NRG1: variants seen among roughly 807,000 people sequenced by gnomAD.
The protein encoded by NRG1 is pro-neuregulin-1, membrane-bound isoform.
Under a neutral mutation model 63.8 loss-of-function variants are expected in NRG1, and 18 were observed. The observed-to-expected ratio is 0.28, with a 90% CI of 0.19 to 0.42. The LOEUF is 0.42. NRG1 is among the 10% of genes least tolerant of loss of function. NRG1 has a pLI of 1.00. For synonymous variants in NRG1, 302 were observed against 301.3 expected (o/e 1.00, Z -0.02); for missense variants, 762 against 814.7 (o/e 0.94, Z 0.79).
At chr8:31,840,583 T>C (rs1826105116) in intron 1 of NRG1, among the ~76,000 whole-genome samples, 5 of 152,138 alleles carry the variant, frequency 3.3e-5, no homozygotes, top group Admixed American at 3.3e-4. Flanking sequence ...GCGTGGTACT[T>C]GATCCATAAT....
At chr8:31,898,870 C>T (rs1173843525) in intron 1 of NRG1, among the ~76,000 whole-genome samples, 1 of 151,934 alleles carries the variant, frequency 6.6e-6, no homozygotes, top group African/African-American at 2.4e-5. Flanking sequence ...TTTTTCTTTG[C>T]ATCCAGATTC....
intron 1 of NRG1, among the ~76,000 whole-genome samples, chr8:31,966,591 A>G (rs911442555): frequency 7.2e-5 from 11 of 152,168 alleles, no homozygotes; most frequent in African/African-American, 2.7e-4. Context: ...CCCCACTACA[A>G]TTCACTGCAC....
chr8:32,204,953 G>A (rs377373067), intron 1 of NRG1, among the ~76,000 whole-genome samples: 16 of 152,056 alleles, frequency 1.1e-4, no homozygotes, highest in African/African-American at 2.7e-4. Flanking sequence ...GAAAATACAC[G>A]AAAACAAATA....
At chr8:32,084,732 T>C (rs1346614583) in intron 1 of NRG1, among the ~76,000 whole-genome samples, 1 of 152,218 alleles carries the variant, frequency 6.6e-6, no homozygotes, top group Middle Eastern at 3.4e-3. Context: ...TAAAATCCAG[T>C]CTTCACGGGA....
intron 1 of NRG1, among the ~76,000 whole-genome samples, chr8:32,595,362 G>A (rs540022820): frequency 1.1e-3 from 171 of 151,902 alleles, no homozygotes; most frequent in Non-Finnish European, 1.6e-3. Flanking sequence ...GCTAATTTTT[G>A]TATTTTCATA....
intron 1 of NRG1, among the ~76,000 whole-genome samples, chr8:32,256,809 C>T (rs1410494759): frequency 6.6e-6 from 1 of 152,166 alleles, no homozygotes; most frequent in African/African-American, 2.4e-5. Context: ...AGAACTTGAG[C>T]ACTGTGCTAG....
chr8:31,900,915 CAG>C (rs370693089), intron 1 of NRG1, among the ~76,000 whole-genome samples: 1 of 152,170 alleles, frequency 6.6e-6, no homozygotes, highest in African/African-American at 2.4e-5. Flanking sequence ...ACAGAGGTCA[CAG>C]ATGTTTCTAC....
At chr8:32,622,727 A>G (rs977812298) in intron 5 of NRG1, among the ~76,000 whole-genome samples, 1 of 152,184 alleles carries the variant, frequency 6.6e-6, no homozygotes, top group African/African-American at 2.4e-5. Context: ...GAAGAATGCT[A>G]TTTATTTTAA....
chr8:31,822,413 C>G (rs2129603741), intron 1 of NRG1, among the ~76,000 whole-genome samples: 1 of 151,990 alleles, frequency 6.6e-6, no homozygotes, highest in Admixed American at 6.5e-5. Context: ...GAGTAAGTCT[C>G]CCTCTCTTAA....
At chr8:32,555,373 A>G (rs541439945) in intron 1 of NRG1, among the ~76,000 whole-genome samples, 2 of 152,272 alleles carry the variant, frequency 1.3e-5, no homozygotes, top group East Asian at 1.9e-4. Flanking sequence ...TGTTTCCTCA[A>G]CCCAGGGGCA....
chr8:32,135,122 A>G (rs1364503164), intron 1 of NRG1, among the ~76,000 whole-genome samples: 1 of 152,106 alleles, frequency 6.6e-6, no homozygotes, highest in Non-Finnish European at 1.5e-5. Context: ...CAGGCTGGAG[A>G]AGAAAAGGTA....
At chr8:32,535,145 T>C (rs1442546636) in intron 1 of NRG1, among the ~76,000 whole-genome samples, 2 of 152,216 alleles carry the variant, frequency 1.3e-5, no homozygotes, top group Non-Finnish European at 2.9e-5. Context: ...CCTGTTTTTG[T>C]GTCTCTTAAG....
At chr8:32,327,101 A>G (rs926255104) in intron 1 of NRG1, among the ~76,000 whole-genome samples, 1 of 152,210 alleles carries the variant, frequency 6.6e-6, no homozygotes. Context: ...GTCATATTTC[A>G]GAGGATCGTG....
chr8:32,311,397 T>C (rs371988267), intron 1 of NRG1, among the ~76,000 whole-genome samples: 1 of 152,110 alleles, frequency 6.6e-6, no homozygotes, highest in East Asian at 1.9e-4. Flanking sequence ...GCCAAAGAGA[T>C]GGCTGAAGCT....
chr8:32,540,571 T>A (rs570111805), intron 1 of NRG1, among the ~76,000 whole-genome samples: 1 of 152,306 alleles, frequency 6.6e-6, no homozygotes, highest in South Asian at 2.1e-4. Flanking sequence ...CTGAAATAAT[T>A]TTTTTGTGCC....
At chr8:31,944,708 A>G (rs1473383325) in intron 1 of NRG1, among the ~76,000 whole-genome samples, 1 of 152,178 alleles carries the variant, frequency 6.6e-6, no homozygotes, top group African/African-American at 2.4e-5. Context: ...CGAAGAGAGC[A>G]AGTAATAATG....
chr8:31,763,105 G>GA (rs994302964), intron 1 of NRG1, among the ~76,000 whole-genome samples: 10 of 151,808 alleles, frequency 6.6e-5, no homozygotes, highest in African/African-American at 9.7e-5. Flanking sequence ...AAAAGCGTTT[G>GA]AAAAAAAGGT....
intron 1 of NRG1, among the ~76,000 whole-genome samples, chr8:31,867,871 A>G (rs1219354249): frequency 2.0e-5 from 3 of 152,166 alleles, no homozygotes; most frequent in African/African-American, 7.2e-5. Context: ...TTATAACCAT[A>G]TCACCATATA....
At chr8:32,480,435 T>TAA (rs552285405) in intron 1 of NRG1, among the ~76,000 whole-genome samples, 1 of 102,986 alleles carries the variant, frequency 9.7e-6, no homozygotes, top group Admixed American at 1.0e-4. Context: ...CCAAATTGCT[T>TAA]AAAAAAAAAA....
Sources: allele counts gnomAD v4.1 joint callset (sites outside exome capture counted in the v4.1 genomes callset), GRCh38; gene constraint gnomAD v4.1.1; transcripts MANE v1.5; gene names NCBI Gene and HGNC (gene_info 2026-07-23, HGNC 2026-07-21).